BPIFC: variants seen among roughly 807,000 people sequenced by gnomAD.
BPIFC encodes the protein BPI fold-containing family C protein.
In BPIFC, 60 loss-of-function variants were observed where a neutral mutation model predicts 57.6. That is an observed-to-expected ratio of 1.04 (90% CI 0.85 to 1.29). The LOEUF (loss-of-function observed/expected upper bound fraction) is 1.29, where lower values mean the gene tolerates loss of function less well. Among genes scored for constraint, BPIFC ranks in the 50% most tolerant of loss-of-function variants. The probability of loss-of-function intolerance (pLI) is 0.00; values close to 1 mark genes in which losing one functional copy is unlikely to be tolerated. For synonymous variants in BPIFC, 243 were observed against 224.5 expected, an observed-to-expected ratio of 1.08 and a Z score of -0.74; for missense variants, 581 against 600.5, an observed-to-expected ratio of 0.97 and a Z score of 0.34.
chr22:32,438,423 A>T (rs745863339), intron 8 of BPIFC, among the ~76,000 whole-genome samples: 1 of 152,128 alleles, frequency 6.6e-6, no homozygotes, highest in Non-Finnish European at 1.5e-5. Flanking sequence ...ACAAAGTCTC[A>T]CTCTATCACC....
intron 15 of BPIFC, 142 bp from the exon 16 acceptor site, chr22:32,416,133 G>A: frequency 1.9e-6 from 1 of 531,250 alleles, no homozygotes; most frequent in South Asian, 2.2e-5. Context: ...AGGCTGGAAT[G>A]TAATGGTGTG....
intron 16 of BPIFC, 118 bp downstream of exon 16, chr22:32,415,797 G>A (rs1241439801): frequency 1.5e-6 from 1 of 654,972 alleles, no homozygotes; most frequent in Non-Finnish European, 2.5e-6. Context: ...CCCTGGTCTG[G>A]GAAAAAGCAA....
intron 14 of BPIFC, among the ~76,000 whole-genome samples, chr22:32,418,948 G>T (rs1018387568): frequency 2.6e-5 from 4 of 152,102 alleles, no homozygotes; most frequent in Non-Finnish European, 5.9e-5. Flanking sequence ...AATTTTAGGA[G>T]ATGGGCAGAA....
chr22:32,435,653 A>G (rs749888258), intron 10 of BPIFC, 51 bp downstream of exon 10: 1 of 1,554,986 alleles, frequency 6.4e-7, no homozygotes, highest in Non-Finnish European at 8.7e-7. Context: ...GGATACTTAT[A>G]AAAAGGCTGA....
intron 4 of BPIFC, among the ~76,000 whole-genome samples, chr22:32,453,087 G>C (rs1029734275): frequency 2.0e-5 from 3 of 152,228 alleles, no homozygotes; most frequent in Non-Finnish European, 2.9e-5. Context: ...ATCTTATTAG[G>C]GTAGAGCTTC....
intron 4 of BPIFC, among the ~76,000 whole-genome samples, chr22:32,452,637 CAA>C (rs57754149): frequency 7.5e-4 from 101 of 135,428 alleles, no homozygotes; most frequent in Middle Eastern, 3.9e-3. Flanking sequence ...GACTCCGTCT[CAA>C]AAAAAAAAAA....
At chr22:32,456,692 T>C (rs1159948100) in intron 3 of BPIFC, among the ~76,000 whole-genome samples, 1 of 152,112 alleles carries the variant, frequency 6.6e-6, no homozygotes, top group Non-Finnish European at 1.5e-5. Context: ...CTCTCCACAA[T>C]CTGCTCCCAC....
intron 8 of BPIFC, among the ~76,000 whole-genome samples, chr22:32,439,624 T>C (rs1301521773): frequency 4.6e-5 from 2 of 43,884 alleles, no homozygotes; most frequent in Non-Finnish European, 9.1e-5. Context: ...ATTTTTCACT[T>C]TTTTTTTTGA....
intron 15 of BPIFC, among the ~76,000 whole-genome samples, chr22:32,416,829 C>T (rs778903082): frequency 3.3e-5 from 5 of 152,210 alleles, no homozygotes; most frequent in Non-Finnish European, 5.9e-5. Flanking sequence ...ATCTCCTTAA[C>T]TCAACCAGAG....
chr22:32,445,736 G>GGTTAAAAA, intron 6 of BPIFC, 38 bp from the exon 7 acceptor site: 1 of 612,370 alleles, frequency 1.6e-6, no homozygotes, highest in Non-Finnish European at 2.2e-6. Flanking sequence ...AAAAAAAAAA[G>GGTTAAAAA]AGGTTACTCA....
Position 32,432,563 on chromosome 22 carries a change from G to T in BPIFC, c.979-20C>A. On this transcript the variant is annotated intron_variant, in intron 11 of 16. Coordinates refer to ENST00000300399, the MANE Select transcript of BPIFC (RefSeq NM_174932.3). ...TGCAATCTGCCCACATTCCGAGAAA[G>T]AAATAAAGATTGTGAGGCGTGAGTT... 6.2e-7 allele frequency: 1 copy of T among 1,611,088 alleles called. No homozygotes were observed. Among genetic ancestry groups the T allele is most frequent in the Non-Finnish European group, 8.5e-7 (1 of 1,177,594 alleles).
intron 4 of BPIFC, among the ~76,000 whole-genome samples, chr22:32,451,686 T>TAA (rs914538638): frequency 5.3e-5 from 8 of 151,976 alleles, no homozygotes; most frequent in African/African-American, 1.9e-4. Flanking sequence ...CCCTAGAACT[T>TAA]AAAGTATAAT....
chr22:32,462,119 A>G (rs2205842), intron 1 of BPIFC, among the ~76,000 whole-genome samples: 124,713 of 146,292 alleles, frequency 0.85, 53,478 homozygotes, highest in East Asian at 0.99. Context: ...GCAGTGAGCC[A>G]AGATTGTGCC....
chr22:32,455,650 A>G lies in BPIFC; in HGVS notation c.124+1613T>C, dbSNP rs567002265. On this transcript the variant is annotated intron_variant, in intron 3 of 16. Coordinates refer to ENST00000300399, the MANE Select transcript of BPIFC (RefSeq NM_174932.3). The stretch of plus-strand genomic sequence containing the variant: ...AGCATTATCCAGAGCTTGGAGGAAC[A>G]GGGAGTAGATGATAGAGTGCAGGTT... 2.0e-5 allele frequency among the ~76,000 whole-genome samples: 3 copies of G among 152,316 alleles called. No homozygotes were observed. In the South Asian group the frequency reaches 6.2e-4, roughly 32 times the overall value.
intron 7 of BPIFC, among the ~76,000 whole-genome samples, chr22:32,444,884 C>A (rs1446963455): frequency 6.6e-6 from 1 of 152,176 alleles, no homozygotes; most frequent in Non-Finnish European, 1.5e-5. Context: ...TAACTGTATA[C>A]TAAATTCAAG....
In BPIFC at chr22:32,445,523, C is replaced by A. The variant is rs371938778; in HGVS notation, c.594+112G>T. On this transcript the variant is annotated intron_variant, in intron 7 of 16. Transcript: ENST00000300399. ...CTGCACTCCAGCCTGGGCGACAGAG[C>A]GAGACTCTGTCTCAAAAAAACAAAC... 113 of 1,149,294 alleles carry A rather than the reference C, an allele frequency of 9.8e-5. 1 individual carries two copies. Among genetic ancestry groups the A allele is most frequent in the Non-Finnish European group, 1.0e-5 (8 of 779,458 alleles). 71.2% of individuals were successfully genotyped at this position (1,149,294 alleles called of 1,614,324 possible).
chr22:32,428,083 G>A (rs1458364785), intron 13 of BPIFC, among the ~76,000 whole-genome samples: 1 of 151,892 alleles, frequency 6.6e-6, no homozygotes, highest in Non-Finnish European at 1.5e-5. Flanking sequence ...CTGGAAATGG[G>A]GTCACCTCAT....
intron 10 of BPIFC, among the ~76,000 whole-genome samples, chr22:32,434,279 T>C (rs1934329068): frequency 6.7e-6 from 1 of 149,452 alleles, no homozygotes; most frequent in Non-Finnish European, 1.5e-5. Flanking sequence ...TTCATTTATA[T>C]ATTACACTCT....
chr22:32,427,189 G>T (rs1351904157), intron 13 of BPIFC, among the ~76,000 whole-genome samples: 1 of 152,158 alleles, frequency 6.6e-6, no homozygotes, highest in African/African-American at 2.4e-5. Flanking sequence ...AAATTTATCG[G>T]CTTAAAACAG....
Sources: gnomAD v4.1 joint callset for allele counts (sites outside exome capture counted in the v4.1 genomes callset) on GRCh38, gnomAD v4.1.1 for gene constraint, MANE v1.5 for transcripts, NCBI Gene and HGNC (gene_info 2026-07-23, HGNC 2026-07-21) for gene names.